Variants in G2E3 observed in about 807,000 individuals in gnomAD.
G2E3 encodes the protein G2/M phase-specific E3 ubiquitin-protein ligase.
In G2E3, 35 loss-of-function variants were observed where a neutral mutation model predicts 92.8. That is an observed-to-expected ratio of 0.38 (90% CI 0.29 to 0.50). The LOEUF (loss-of-function observed/expected upper bound fraction) is 0.50, where lower values mean the gene tolerates loss of function less well. Ranked by LOEUF, G2E3 falls within the 20% of genes least tolerant of loss-of-function variation. G2E3 has a pLI of 0.94. For synonymous variants in G2E3, 242 were observed against 272.4 expected, an observed-to-expected ratio of 0.89 and a Z score of 1.10; for missense variants, 554 against 823.8, an observed-to-expected ratio of 0.67 and a Z score of 4.01.
intron 2 of G2E3, among the ~76,000 whole-genome samples, chr14:30,585,837 A>G (rs182612186): frequency 4.8e-4 from 73 of 152,274 alleles, no homozygotes; most frequent in Admixed American, 1.4e-3. Flanking sequence ...ATGAGCCTAA[A>G]CATCAGCCAG....
intron 1 of G2E3, among the ~76,000 whole-genome samples, chr14:30,562,680 G>A (rs1377853615): frequency 6.6e-6 from 1 of 151,728 alleles, no homozygotes; most frequent in East Asian, 2.0e-4. Flanking sequence ...AGGCCCACCC[G>A]CAGTTACCTG....
At chr14:30,609,743 G>C (rs965409551) in intron 12 of G2E3, among the ~76,000 whole-genome samples, 3 of 152,016 alleles carry the variant, frequency 2.0e-5, no homozygotes, top group Non-Finnish European at 1.5e-5. Flanking sequence ...TGTTTTTTGT[G>C]GGGCTTTTTT....
rs1882321809 is a variant in G2E3, at chr14:30,616,505, G to A, written c.2092G>A (p.Glu698Lys). The part of the protein sequence containing the change: ...TIRNTLRLEK[E>K]ESSHYIGH ...AAGAAACACTCTAAGACTAGAAAAG[G>A]AAGAAAGTTCTCATTACATTGGACA... The change falls in exon 15 of 15, where the codon GAA (glutamate) becomes AAA (lysine). Residue 698 changes from glutamate to lysine, a missense_variant. Physicochemically the swap from Glu to Lys is moderately conservative, Grantham distance 56 (BLOSUM62 1). This residue lies in a region of G2E3 where 397 missense variants were observed against 560.3 expected (regional missense o/e 0.71). Transcript: ENST00000206595. 10 of 1,601,676 alleles carry A rather than the reference G, an allele frequency of 6.2e-6. No individual in the cohort carries two copies. The highest frequency in any genetic ancestry group is 5.1e-6 in the Non-Finnish European group (6 of 1,172,584).
chr14:30,577,623 G>A (rs1880192047), intron 1 of G2E3: 1 of 152,238 alleles, frequency 6.6e-6, no homozygotes, highest in Admixed American at 6.5e-5. Context: ...CATGGTGTAT[G>A]TTGAAAATTT....
chr14:30,577,128 G>T (rs950196447), intron 1 of G2E3, among the ~76,000 whole-genome samples: 1 of 150,738 alleles, frequency 6.6e-6, no homozygotes. Flanking sequence ...GGGAGGCTGA[G>T]GCAGGAGAAT....
At chr14:30,602,580 A>G (rs1881622995) in intron 10 of G2E3, among the ~76,000 whole-genome samples, 1 of 152,122 alleles carries the variant, frequency 6.6e-6, no homozygotes, top group Non-Finnish European at 1.5e-5. Flanking sequence ...TATTAAAAGG[A>G]AAGAATCCTA....
intron 2 of G2E3, among the ~76,000 whole-genome samples, chr14:30,582,773 G>C (rs894783610): frequency 2.6e-5 from 4 of 152,162 alleles, no homozygotes; most frequent in African/African-American, 9.7e-5. Context: ...TCTTTTAAAG[G>C]GTTAGGAGAG....
At chr14:30,598,914 G>A (rs1208641383) in intron 8 of G2E3, among the ~76,000 whole-genome samples, 3 of 152,212 alleles carry the variant, frequency 2.0e-5, no homozygotes, top group East Asian at 1.9e-4. Flanking sequence ...CAAGGGTGCT[G>A]TAAATACATA....
intron 1 of G2E3, among the ~76,000 whole-genome samples, chr14:30,563,352 G>A (rs1879230091): frequency 6.6e-6 from 1 of 152,106 alleles, no homozygotes; most frequent in Admixed American, 6.5e-5. Flanking sequence ...TGACCAGTAG[G>A]TAGGGTTGGT....
intron 1 of G2E3, among the ~76,000 whole-genome samples, chr14:30,568,355 T>A (rs1487856073): frequency 6.6e-6 from 1 of 152,154 alleles, no homozygotes; most frequent in African/African-American, 2.4e-5. Context: ...TTTAAAAAAA[T>A]TCATTCTGTC....
Position 30,619,824 on chromosome 14 carries a change from T to C in G2E3, c.*3290T>C, listed in dbSNP as rs1363746664. On this transcript the variant is annotated 3_prime_UTR_variant, in exon 15 of 15. Transcript: ENST00000206595. ...AATGTTTTATAAATAAATAAATGTG[T>C]TTATGCCACTAAAGGTAAACTGCCT... 1 of 152,150 alleles carries C rather than the reference T, an allele frequency of 6.6e-6. No homozygotes were observed. The highest frequency in any genetic ancestry group is 1.5e-5 in the Non-Finnish European group (1 of 68,014). The allele number at this position is 152,150 out of a possible 1,614,324, so 9.4% of individuals were successfully genotyped here.
At chr14:30,599,508 T>G (rs1376612493) in intron 8 of G2E3, among the ~76,000 whole-genome samples, 1 of 152,208 alleles carries the variant, frequency 6.6e-6, no homozygotes, top group African/African-American at 2.4e-5. Flanking sequence ...ATTACAGGCA[T>G]GAGCCACTGC....
intron 1 of G2E3, among the ~76,000 whole-genome samples, chr14:30,574,913 T>C (rs1401387992): frequency 6.6e-6 from 1 of 152,210 alleles, no homozygotes; most frequent in African/African-American, 2.4e-5. Context: ...TATGGTAGAA[T>C]GATTTATAGT....
intron 4 of G2E3, among the ~76,000 whole-genome samples, 170 bp downstream of exon 4, chr14:30,589,654 A>G (rs1038158147): frequency 2.6e-5 from 4 of 152,086 alleles, no homozygotes; most frequent in Admixed American, 2.0e-4. Context: ...ATTTTTGCCC[A>G]TTAAAGAAAG....
At chr14:30,564,329 A>G (rs1193874151) in intron 1 of G2E3, among the ~76,000 whole-genome samples, 1 of 152,100 alleles carries the variant, frequency 6.6e-6, no homozygotes, top group Non-Finnish European at 1.5e-5. Context: ...TAAAATTCCC[A>G]TTTATAAAAT....
chr14:30,582,472 A>G (rs1880485661), intron 2 of G2E3, among the ~76,000 whole-genome samples: 1 of 152,206 alleles, frequency 6.6e-6, no homozygotes, highest in African/African-American at 2.4e-5. Flanking sequence ...GGAAAACCAC[A>G]GGTCCACAGC....
intron 9 of G2E3, 23 bp from the exon 10 acceptor site, chr14:30,601,976 A>G (rs1881589852): frequency 6.2e-7 from 1 of 1,607,442 alleles, no homozygotes; most frequent in Non-Finnish European, 8.5e-7. Flanking sequence ...CTATTATGCT[A>G]ACATGGAAAT....
At chr14:30,610,376 G>A (rs1882030838) in intron 12 of G2E3, among the ~76,000 whole-genome samples, 1 of 152,210 alleles carries the variant, frequency 6.6e-6, no homozygotes, top group Admixed American at 6.5e-5. Context: ...AACACTTTGG[G>A]AGAACAGGTG....
At chr14:30,594,927 G>A (rs1037182616) in intron 6 of G2E3, among the ~76,000 whole-genome samples, 9 of 150,176 alleles carry the variant, frequency 6.0e-5, no homozygotes, top group Non-Finnish European at 1.2e-4. Context: ...TCAGGAGTTC[G>A]AGACCAGCAT....
Sources: gnomAD v4.1 joint callset for allele counts (sites outside exome capture counted in the v4.1 genomes callset) on GRCh38, gnomAD v4.1.1 for gene constraint, gnomAD v4.1.1 regional missense constraint, MANE v1.5 for transcripts, NCBI Gene and HGNC (gene_info 2026-07-23, HGNC 2026-07-21) for gene names.